The following RPF2 variants were observed in gnomAD, a reference collection of about 807,000 sequenced individuals.
RPF2 encodes ribosome production factor 2 homolog, also known as brix domain containing 1.
RPF2 carries 21 observed loss-of-function variants against 38.9 expected under a neutral mutation model. The ratio of observed to expected loss-of-function variants is 0.54; its 90% CI spans 0.38 to 0.78. The LOEUF (loss-of-function observed/expected upper bound fraction) is 0.78, where lower values mean the gene tolerates loss of function less well. Among genes scored for constraint, RPF2 ranks in the 30% least tolerant of loss-of-function variants. The pLI, the probability that RPF2 is intolerant of heterozygous loss-of-function variation, is 0.00. For missense variants in RPF2, 314 were observed against 358.1 expected (o/e 0.88, Z 0.99); for synonymous variants, 121 against 126.2 (o/e 0.96, Z 0.28).
At chr6:111,006,168 C>T (rs575677939) in intron 6 of RPF2, among the ~76,000 whole-genome samples, 3 of 151,336 alleles carry the variant, frequency 2.0e-5, no homozygotes, top group Non-Finnish European at 4.4e-5. Flanking sequence ...TGGGCTCAAG[C>T]GATCTGCCCT....
chr6:110,985,074 A>C lies in RPF2; in HGVS notation c.92A>C (p.Lys31Thr). ...GAACCGAAACTCAATGAAAATATTA[A>C]AAATGCCATGCTGATTAAAGGGGGA... ...KREPKLNENI[K>T]NAMLIKGGNA... Residue 31 changes from lysine to threonine, a missense_variant, in exon 2 of 10, where the codon AAA becomes ACA. Physicochemically the swap from Lys to Thr is moderately conservative, Grantham distance 78 (BLOSUM62 -1). Transcript: ENST00000441448. 6.2e-7 allele frequency: 1 copy of C among 1,613,690 alleles called. No individual in the cohort carries two copies. The highest frequency in any genetic ancestry group is 8.5e-7 in the Non-Finnish European group (1 of 1,179,822).
intron 8 of RPF2, among the ~76,000 whole-genome samples, chr6:111,019,451 AAAATT>A (rs372250439): frequency 1.7e-4 from 26 of 152,000 alleles, no homozygotes; most frequent in Non-Finnish European, 4.4e-5. Flanking sequence ...AAAACAAAAC[AAAATT>A]AAACTTATGT....
intron 6 of RPF2, among the ~76,000 whole-genome samples, chr6:111,006,522 C>A (rs1197898401): frequency 2.0e-5 from 3 of 152,062 alleles, no homozygotes; most frequent in African/African-American, 7.2e-5. Flanking sequence ...TAGGCGTGAA[C>A]CACTGTGCCC....
At chr6:110,985,983 G>C (rs1204432920) in intron 2 of RPF2, among the ~76,000 whole-genome samples, 1 of 152,028 alleles carries the variant, frequency 6.6e-6, no homozygotes, top group African/African-American at 2.4e-5. Context: ...CACAGGGTAG[G>C]TTCCCCCAGA....
rs1037004305 is a variant in RPF2, at chr6:111,026,741, T to C, written c.*1159T>C. ...TCTTCTTCCTTCTACTAGTATTGCA[T>C]ACTTGTTTTTCTGGAATAGGGTGTT... On this transcript the variant is annotated 3_prime_UTR_variant, in exon 10 of 10. Transcript: ENST00000441448. 6.6e-6 allele frequency: 1 copy of C among 152,238 alleles called. No homozygotes were observed. Among genetic ancestry groups the C allele is most frequent in the Admixed American group, 6.5e-5 (1 of 15,290 alleles). 9.4% of individuals were successfully genotyped at this position (152,238 alleles called of 1,614,324 possible). A position where few individuals can be genotyped will look rare whatever the true frequency, so the allele number is the denominator to read the frequency against.
intron 7 of RPF2, among the ~76,000 whole-genome samples, chr6:111,010,139 T>C (rs1462455045): frequency 2.8e-5 from 4 of 144,372 alleles, no homozygotes; most frequent in Non-Finnish European, 4.6e-5. Context: ...TTTTTTTTTT[T>C]TCTTTTTAGA....
rs1045972623 is a variant in RPF2 at position 111,003,957 on chromosome 6, T to C, written c.394-4081T>C. On this transcript the variant is annotated intron_variant, in intron 6 of 9. Transcript: ENST00000441448. ...CCTTCCGAGTAGCTGGGATTACAGG[T>C]GTGCGCCACCACACCCAGCTAATTT... Among the ~76,000 whole-genome samples, 3 of 145,480 alleles carry C rather than the reference T, an allele frequency of 2.1e-5. No homozygotes were observed. In the Admixed American group the frequency reaches 2.1e-4, roughly 10 times the overall value.
chr6:111,019,110 T>C (rs1424158800), intron 8 of RPF2, among the ~76,000 whole-genome samples: 1 of 151,962 alleles, frequency 6.6e-6, no homozygotes, highest in Non-Finnish European at 1.5e-5. Context: ...CTTAGGAGGC[T>C]GAGGCAGGAC....
intron 8 of RPF2, among the ~76,000 whole-genome samples, chr6:111,019,322 C>G (rs753350305): frequency 1.3e-5 from 2 of 152,088 alleles, no homozygotes; most frequent in Non-Finnish European, 2.9e-5. Flanking sequence ...CGCCTATAAT[C>G]CCGGCTACTC....
intron 6 of RPF2, among the ~76,000 whole-genome samples, chr6:111,000,391 C>T (rs1434113854): frequency 1.3e-5 from 2 of 152,170 alleles, no homozygotes; most frequent in Non-Finnish European, 1.5e-5. Flanking sequence ...AGTTTAAATA[C>T]TGTCCTCTTC....
intron 3 of RPF2, among the ~76,000 whole-genome samples, chr6:110,990,053 C>T (rs1278212976): frequency 6.6e-6 from 1 of 152,054 alleles, no homozygotes; most frequent in Non-Finnish European, 1.5e-5. Flanking sequence ...ATTCTCTTGC[C>T]TCAACCTCCC....
At chr6:110,983,577 C>T (rs1771468651) in intron 1 of RPF2, among the ~76,000 whole-genome samples, 1 of 152,110 alleles carries the variant, frequency 6.6e-6, no homozygotes, top group African/African-American at 2.4e-5. Context: ...CTTCTGGGCT[C>T]AGTGATCCAT....
intron 4 of RPF2, among the ~76,000 whole-genome samples, chr6:110,996,637 C>T (rs74642122): frequency 1.3e-5 from 2 of 152,156 alleles, no homozygotes; most frequent in African/African-American, 4.8e-5. Context: ...GAATAGTTTT[C>T]ATGTATTCTT....
intron 8 of RPF2, among the ~76,000 whole-genome samples, chr6:111,018,319 T>G (rs1039564505): frequency 6.6e-6 from 1 of 152,126 alleles, no homozygotes. Context: ...GCCCACAGTT[T>G]CCTAAAGAAT....
At chr6:111,015,675 T>C in intron 7 of RPF2, 79 bp from the exon 8 acceptor site, 1 of 975,012 alleles carries the variant, frequency 1.0e-6, no homozygotes, top group Non-Finnish European at 1.6e-6. Flanking sequence ...GGAGCAAAAC[T>C]GTTTAGAGTG....
intron 3 of RPF2, among the ~76,000 whole-genome samples, chr6:110,991,388 G>A (rs972817562): frequency 6.7e-6 from 1 of 149,176 alleles, no homozygotes; most frequent in African/African-American, 2.5e-5. Context: ...ACTGTGCTCG[G>A]CGCCCCCTGC....
chr6:110,994,773 G>A (rs1464070736), intron 4 of RPF2, among the ~76,000 whole-genome samples: 1 of 103,832 alleles, frequency 9.6e-6, no homozygotes, highest in Non-Finnish European at 1.9e-5. Context: ...ACACACACGA[G>A]TATGTATGTA....
intron 6 of RPF2, among the ~76,000 whole-genome samples, chr6:111,002,903 G>C (rs1322938758): frequency 6.6e-6 from 1 of 151,834 alleles, no homozygotes; most frequent in Non-Finnish European, 1.5e-5. Context: ...CGAGTAGCCG[G>C]GATTACAGGC....
rs555611144 is a variant in RPF2 at position 110,984,312 on chromosome 6, A to G, written c.24-694A>G. 3.3e-5 allele frequency among the ~76,000 whole-genome samples: 5 copies of G among 152,296 alleles called. No homozygotes were observed. In the East Asian group the frequency reaches 9.7e-4, roughly 29 times the overall value. ...TGCTCAATTCTTTGTATTAGGGTAC[A>G]GGATACAGTTTGACTACTTAAAGTT... On this transcript the variant is annotated intron_variant, in intron 1 of 9. Transcript: ENST00000441448.
Sources: allele counts gnomAD v4.1 joint callset (sites outside exome capture counted in the v4.1 genomes callset), GRCh38; gene constraint gnomAD v4.1.1; transcripts MANE v1.5; gene names NCBI Gene and HGNC (gene_info 2026-07-23, HGNC 2026-07-21).